RIMS1: variants seen among roughly 807,000 people sequenced by gnomAD.
RIMS1 encodes the protein regulating synaptic membrane exocytosis 1.
A neutral mutation model predicts 214.1 loss-of-function variants in RIMS1; 83 were observed. The observed-to-expected ratio is 0.39, with a 90% CI of 0.32 to 0.47. The LOEUF (loss-of-function observed/expected upper bound fraction) is 0.47, where lower values mean the gene tolerates loss of function less well. Ranked by LOEUF, RIMS1 falls within the 20% of genes least tolerant of loss-of-function variation. The probability of loss-of-function intolerance (pLI) is 0.99; values close to 1 mark genes in which losing one functional copy is unlikely to be tolerated. For synonymous variants in RIMS1, 793 were observed against 786.8 expected (o/e 1.01, Z -0.13); for missense variants, 2,050 against 2,161.8 (o/e 0.95, Z 1.03).
At chr6:72,208,171 T>A (rs2053247376) in intron 6 of RIMS1, among the ~76,000 whole-genome samples, 1 of 152,192 alleles carries the variant, frequency 6.6e-6, no homozygotes, top group Non-Finnish European at 1.5e-5. Flanking sequence ...AAATGAGTAA[T>A]CTTATTTCTG....
intron 29 of RIMS1, among the ~76,000 whole-genome samples, chr6:72,364,928 A>G (rs774495078): frequency 6.6e-6 from 1 of 152,184 alleles, no homozygotes; most frequent in Non-Finnish European, 1.5e-5. Context: ...CTGACTACAC[A>G]ATTGGAAGGA....
intron 29 of RIMS1, among the ~76,000 whole-genome samples, chr6:72,371,116 T>C (rs1437937764): frequency 6.6e-6 from 1 of 152,174 alleles, no homozygotes; most frequent in African/African-American, 2.4e-5. Flanking sequence ...TCCTTTTCTC[T>C]CATATCTCTG....
intron 4 of RIMS1, among the ~76,000 whole-genome samples, chr6:72,162,326 T>C (rs6939988): frequency 0.37 from 51,271 of 139,222 alleles, 15,475 homozygotes; most frequent in Non-Finnish European, 0.48. Context: ...ACTGATGGGT[T>C]TTGACTCTTT....
intron 4 of RIMS1, among the ~76,000 whole-genome samples, chr6:72,133,995 T>C (rs1006038300): frequency 6.6e-6 from 1 of 152,154 alleles, no homozygotes; most frequent in African/African-American, 2.4e-5. Flanking sequence ...GAGTTAGTAA[T>C]GCCTATTTTT....
chr6:72,385,182 T>G (rs1324413945), intron 29 of RIMS1, among the ~76,000 whole-genome samples: 2 of 152,234 alleles, frequency 1.3e-5, no homozygotes, highest in African/African-American at 2.4e-5. Context: ...GTAGACTTTA[T>G]GTCTTTATAA....
intron 29 of RIMS1, among the ~76,000 whole-genome samples, chr6:72,336,979 C>T (rs1045810130): frequency 1.3e-5 from 2 of 151,768 alleles, no homozygotes; most frequent in African/African-American, 4.8e-5. Context: ...TCCTCTTCCC[C>T]TATGAAATAT....
chr6:71,903,631 T>C (rs1353847852), intron 1 of RIMS1, among the ~76,000 whole-genome samples: 2 of 152,116 alleles, frequency 1.3e-5, no homozygotes, highest in Non-Finnish European at 2.9e-5. Context: ...ATCCAGAGTC[T>C]ACAAGGAATG....
At chr6:72,364,875 A>G (rs1043030446) in intron 29 of RIMS1, among the ~76,000 whole-genome samples, 2 of 152,236 alleles carry the variant, frequency 1.3e-5, no homozygotes, top group Non-Finnish European at 2.9e-5. Flanking sequence ...GACTGCTTGC[A>G]GAGTCACTGA....
At chr6:72,377,434 G>C (rs1478875500) in intron 29 of RIMS1, among the ~76,000 whole-genome samples, 1 of 152,128 alleles carries the variant, frequency 6.6e-6, no homozygotes, top group Non-Finnish European at 1.5e-5. Context: ...GGGAACATGG[G>C]CTCTGAGTGG....
chr6:72,291,351 A>C (rs1038908399), intron 25 of RIMS1, among the ~76,000 whole-genome samples: 2 of 152,180 alleles, frequency 1.3e-5, no homozygotes, highest in African/African-American at 4.8e-5. Flanking sequence ...CACACTTCTC[A>C]AACTTTTATT....
At chr6:72,324,027 C>CATAGATAGATAGATAGATAG (rs70994121) in intron 28 of RIMS1, among the ~76,000 whole-genome samples, 2 of 145,888 alleles carry the variant, frequency 1.4e-5, no homozygotes, top group Non-Finnish European at 1.5e-5. Flanking sequence ...TGCATGCATG[C>CATAGATAGATAGATAGATAG]ATAGATAGAT....
At chr6:71,892,880 A>G (rs1770383917) in intron 1 of RIMS1, among the ~76,000 whole-genome samples, 1 of 152,144 alleles carries the variant, frequency 6.6e-6, no homozygotes, top group Non-Finnish European at 1.5e-5. Flanking sequence ...AGTGCTGGAT[A>G]GTTGGATAGA....
Position 72,158,025 on chromosome 6 carries a change from G to A in RIMS1, c.472-21550G>A, listed in dbSNP as rs1176664686. ...CCCACAAATATTTTATGTTATTATT[G>A]TGTGATTTATTATAATGACAAATAT... On this transcript the variant is annotated intron_variant, in intron 4 of 33. Transcript: ENST00000521978. Among the ~76,000 whole-genome samples the A allele has an allele frequency of 1.4e-5, 2 of 140,106 alleles. 1 individual carries two copies. The highest frequency in any genetic ancestry group is 3.2e-5 in the Non-Finnish European group (2 of 61,698). The allele number at this position is 140,106 out of a possible 152,430, so 91.9% of individuals were successfully genotyped here.
At chr6:72,123,709 C>T (rs1484890731) in intron 4 of RIMS1, among the ~76,000 whole-genome samples, 1 of 151,748 alleles carries the variant, frequency 6.6e-6, no homozygotes, top group Non-Finnish European at 1.5e-5. Context: ...TTGAATTGAT[C>T]CCTTTACCAT....
At chr6:72,148,937 G>A (rs2043129410) in intron 4 of RIMS1, among the ~76,000 whole-genome samples, 1 of 151,946 alleles carries the variant, frequency 6.6e-6, no homozygotes, top group Non-Finnish European at 1.5e-5. Context: ...TCAAATAAGG[G>A]AGAGAAAAGG....
At chr6:72,307,115 ATT>A (rs1237268053) in intron 26 of RIMS1, 141 bp from the exon 27 acceptor site, 1 of 607,370 alleles carries the variant, frequency 1.6e-6, no homozygotes, top group African/African-American at 1.8e-5. Context: ...TATATTCTGC[ATT>A]TTTGTTTAAT....
At chr6:71,887,222 G>T (rs759418335) in intron 1 of RIMS1, 35 bp downstream of exon 1, 7 of 1,582,704 alleles carry the variant, frequency 4.4e-6, no homozygotes, top group Admixed American at 1.8e-5. Context: ...CCATGCCTCC[G>T]TGCCTCCATC....
At chr6:72,166,331 A>G (rs1394463356) in intron 4 of RIMS1, among the ~76,000 whole-genome samples, 2 of 148,612 alleles carry the variant, frequency 1.3e-5, no homozygotes, top group Admixed American at 6.7e-5. Context: ...CACTAATCCT[A>G]TTGAGCTAGG....
At chr6:72,301,507 G>A (rs369275945) in intron 26 of RIMS1, among the ~76,000 whole-genome samples, 1 of 151,536 alleles carries the variant, frequency 6.6e-6, no homozygotes. Context: ...TGTTTGGGGG[G>A]AAAATGATTG....
Sources: allele counts gnomAD v4.1 joint callset (sites outside exome capture counted in the v4.1 genomes callset), GRCh38; gene constraint gnomAD v4.1.1; transcripts MANE v1.5; gene names NCBI Gene and HGNC (gene_info 2026-07-23, HGNC 2026-07-21).